FRAS1: variants seen among roughly 807,000 people sequenced by gnomAD.
FRAS1 encodes the protein extracellular matrix organizing protein FRAS1.
Under a neutral mutation model 435.2 loss-of-function variants are expected in FRAS1, and 290 were observed. That is an observed-to-expected ratio of 0.67 (90% CI 0.61 to 0.73). FRAS1 has a LOEUF of 0.73. Among genes scored for constraint, FRAS1 ranks in the 30% least tolerant of loss-of-function variants. The probability of loss-of-function intolerance (pLI) is 0.00; values close to 1 mark genes in which losing one functional copy is unlikely to be tolerated. For missense variants in FRAS1, 4,860 were observed against 5,001.5 expected, an observed-to-expected ratio of 0.97 and a Z score of 0.85; for synonymous variants, 1,800 against 1,851.0, an observed-to-expected ratio of 0.97 and a Z score of 0.71.
At chr4:78,380,083 A>C in intron 27 of FRAS1, 87 bp downstream of exon 27, 36 of 1,419,792 alleles carry the variant, frequency 2.5e-5, no homozygotes, top group Non-Finnish European at 3.5e-5. Flanking sequence ...TCTCTGTCTC[A>C]ATAGCTAACC....
At chr4:78,284,308 G>T in intron 12 of FRAS1, 97 bp from the exon 13 acceptor site, 33 of 890,598 alleles carry the variant, frequency 3.7e-5, no homozygotes, top group East Asian at 1.4e-4. Flanking sequence ...CATGTTCTAT[G>T]TAATGCTACA....
At chr4:78,223,916 G>A (rs762278572) in intron 2 of FRAS1, among the ~76,000 whole-genome samples, 1 of 152,186 alleles carries the variant, frequency 6.6e-6, no homozygotes, top group Non-Finnish European at 1.5e-5. Context: ...GATTTGAACA[G>A]TGTTGTGTAG....
chr4:78,279,737 G>T (rs1283806735), intron 10 of FRAS1, among the ~76,000 whole-genome samples: 1 of 151,786 alleles, frequency 6.6e-6, no homozygotes, highest in Non-Finnish European at 1.5e-5. Flanking sequence ...TTTCATGTTG[G>T]GTATTGGAAT....
intron 71 of FRAS1, among the ~76,000 whole-genome samples, chr4:78,535,748 C>G (rs1721860965): frequency 6.6e-6 from 1 of 152,172 alleles, no homozygotes. Flanking sequence ...GTCCTTGACC[C>G]ATTTGCCATG....
rs1170954306 is a variant in FRAS1, at chr4:78,286,439, G to T, written c.1434G>T (p.Gly478=). The change falls in exon 14 of 74, where the codon GGG becomes GGT. Residue 478 remains glycine (G), a synonymous_variant. Coordinates refer to ENST00000512123, the MANE Select transcript of FRAS1 (RefSeq NM_025074.7). ...CQPQCSTCTS[G]LECSSCQPPL... ...CCCAGTGCTCCACGTGTACCAGTGG[G>T]CTGGAGTGCTCATCCTGCCAGCCTC... 6.2e-7 allele frequency: 1 copy of T among 1,613,604 alleles called. No homozygotes were observed. The highest frequency in any genetic ancestry group is 1.1e-5 in the South Asian group (1 of 91,074).
At chr4:78,461,426 G>C (rs899990221) in intron 47 of FRAS1, among the ~76,000 whole-genome samples, 1 of 152,126 alleles carries the variant, frequency 6.6e-6, no homozygotes, top group African/African-American at 2.4e-5. Context: ...GTGACATTGG[G>C]TACATCACAT....
chr4:78,217,411 G>A (rs1878440), intron 2 of FRAS1, among the ~76,000 whole-genome samples: 146,305 of 152,178 alleles, frequency 0.96, 70,577 homozygotes, highest in East Asian at 1. Context: ...TGTAGGCAAA[G>A]TTGTTGGGGG....
chr4:78,483,767 ACTCT>A (rs148245140), intron 58 of FRAS1, among the ~76,000 whole-genome samples: 12,522 of 110,162 alleles, frequency 0.11, 2,237 homozygotes, highest in East Asian at 0.24. Context: ...GAAAAAAAAA[ACTCT>A]CTCTCTCTCT....
intron 2 of FRAS1, among the ~76,000 whole-genome samples, chr4:78,088,993 A>G (rs1413347396): frequency 5.3e-5 from 8 of 152,138 alleles, no homozygotes; most frequent in Admixed American, 1.3e-4. Context: ...TGTTTATTGC[A>G]GCACTATTCA....
chr4:78,296,885 C>T (rs924132846), intron 14 of FRAS1, among the ~76,000 whole-genome samples: 13 of 152,184 alleles, frequency 8.5e-5, no homozygotes, highest in African/African-American at 3.1e-4. Flanking sequence ...CTCTGCTTTT[C>T]CAAACTTGCC....
intron 49 of FRAS1, among the ~76,000 whole-genome samples, chr4:78,464,923 G>T (rs1361021526): frequency 1.3e-5 from 2 of 152,132 alleles, no homozygotes; most frequent in African/African-American, 4.8e-5. Flanking sequence ...CCATTAGCAT[G>T]AACAGGGATT....
At chr4:78,174,347 C>T (rs78953905) in intron 2 of FRAS1, among the ~76,000 whole-genome samples, 1 of 152,116 alleles carries the variant, frequency 6.6e-6, no homozygotes, top group Admixed American at 6.5e-5. Flanking sequence ...GATCATGGAA[C>T]CTGCTTAATG....
rs538936018 is a variant in FRAS1, at chr4:78,455,894, G to A, written c.6763+3540G>A. Among the ~76,000 whole-genome samples, 5 of 152,276 alleles carry A rather than the reference G, an allele frequency of 3.3e-5. No homozygotes were observed. In the South Asian group the frequency reaches 6.2e-4, roughly 19 times the overall value. On this transcript the variant is annotated intron_variant, in intron 47 of 73. Transcript: ENST00000512123. ...TAACTAGGATAGAAGCTAAGCTGCT[G>A]GACCAAGGAGACCCCAAAATATAAT... is the stretch of plus-strand genomic sequence containing the variant.
chr4:78,450,224 C>T lies in FRAS1; in HGVS notation c.6348C>T (p.Tyr2116=), dbSNP rs746543389. The T allele has an allele frequency of 1.1e-5, 17 of 1,613,518 alleles. No individual in the cohort carries two copies. Among genetic ancestry groups the T allele is most frequent in the Non-Finnish European group, 1.4e-5 (17 of 1,179,688 alleles). ...ACTCAGATGACCATCAGGTTATGTA[C>T]ATCATGAAGGAAGATCCTGGTGCAG... ...DIDSDDHQVM[Y]IMKEDPGAGR... The change falls in exon 45 of 74, where the codon TAC becomes TAT. Residue 2116 remains tyrosine (Y), a synonymous_variant. Transcript: ENST00000512123.
chr4:78,480,157 G>A (rs982552638), intron 56 of FRAS1, among the ~76,000 whole-genome samples: 1 of 152,112 alleles, frequency 6.6e-6, no homozygotes, highest in South Asian at 2.1e-4. Flanking sequence ...TGTTGTGCTA[G>A]GGAATACTAG....
intron 2 of FRAS1, among the ~76,000 whole-genome samples, chr4:78,191,529 AT>A (rs1402648241): frequency 3.2e-5 from 2 of 62,280 alleles, no homozygotes; most frequent in African/African-American, 9.6e-5. Flanking sequence ...TGTTTGTATT[AT>A]TTTCTTTTTT....
intron 2 of FRAS1, chr4:78,181,451 C>G: frequency 6.2e-7 from 1 of 1,611,916 alleles, no homozygotes; most frequent in Non-Finnish European, 8.5e-7. Context: ...AGATCTATCA[C>G]TTCCACTATG....
chr4:78,140,547 C>T (rs1385508924), intron 2 of FRAS1, among the ~76,000 whole-genome samples: 1 of 151,924 alleles, frequency 6.6e-6, no homozygotes, highest in Non-Finnish European at 1.5e-5. Flanking sequence ...AAATCATCTA[C>T]AATTGCAAAA....
At chr4:78,366,873 T>C (rs1025170175) in intron 22 of FRAS1, among the ~76,000 whole-genome samples, 1 of 152,142 alleles carries the variant, frequency 6.6e-6, no homozygotes, top group Non-Finnish European at 1.5e-5. Context: ...GGGACGTTGG[T>C]ACCTACAGAA....
Sources: gnomAD v4.1 joint callset for allele counts (sites outside exome capture counted in the v4.1 genomes callset) on GRCh38, gnomAD v4.1.1 for gene constraint, MANE v1.5 for transcripts, NCBI Gene and HGNC (gene_info 2026-07-23, HGNC 2026-07-21) for gene names.